KCP: variants seen among roughly 807,000 people sequenced by gnomAD.
KCP encodes the protein kielin cysteine rich BMP regulator, also known as kielin/chordin-like protein.
In KCP, 194 loss-of-function variants were observed where a neutral mutation model predicts 212.7. That is an observed-to-expected ratio of 0.91 (90% CI 0.81 to 1.03). The LOEUF (loss-of-function observed/expected upper bound fraction) is 1.03. KCP is among the 50% of genes least tolerant of loss of function. KCP has a pLI of 0.00. For missense variants in KCP, 2,080 were observed against 2,162.5 expected, an observed-to-expected ratio of 0.96 and a Z score of 0.76; for synonymous variants, 833 against 865.3, an observed-to-expected ratio of 0.96 and a Z score of 0.65.
chr7:128,903,948 C>A, intron 6 of KCP, 108 bp downstream of exon 6: 1 of 1,363,254 alleles, frequency 7.3e-7, no homozygotes, highest in South Asian at 1.3e-5. Flanking sequence ...GCTGGCTCCA[C>A]CTCTCGGGAG....
At chr7:128,877,382 G>A (rs1376046925) in intron 39 of KCP, 71 bp from the exon 40 acceptor site, 4 of 1,526,398 alleles carry the variant, frequency 2.6e-6, no homozygotes, top group South Asian at 2.5e-5. Context: ...GTACCCCTGC[G>A]AGACTCGCCA....
rs1793686131 is a variant in KCP at position 128,886,917 on chromosome 7, GGGCAGAGA to G, written c.2640_2647del (p.Leu881ProfsTer29). The G allele has an allele frequency of 6.5e-7, 1 of 1,533,162 alleles. No individual in the cohort carries two copies. Among genetic ancestry groups the G allele is most frequent in the Non-Finnish European group, 8.8e-7 (1 of 1,137,850 alleles). The allele number at this position is 1,533,162 out of a possible 1,614,324, so 95.0% of individuals were successfully genotyped here. A position where few individuals can be genotyped will look rare whatever the true frequency, so the allele number is the denominator to read the frequency against. On this transcript the variant is annotated frameshift_variant, in exon 24 of 40. Transcript: ENST00000610776. LOFTEE classifies it high-confidence loss of function. Reference sequence around the variant, plus strand: ...GAAGCAGGGGCCTGGAGAGGGGTGGGGGCAGAGAGCTGGGGGACATGGCTTCTTCTGGC... The same window carrying G: ...GAAGCAGGGGCCTGGAGAGGGGTGGGGCTGGGGGACATGGCTTCTTCTGGC...
intron 2 of KCP, 72 bp from the exon 3 acceptor site, chr7:128,907,525 T>C (rs1795188582): frequency 1.8e-6 from 2 of 1,086,158 alleles, no homozygotes; most frequent in East Asian, 5.9e-5. Context: ...ATGAGGGGTG[T>C]GAAAATGAGG....
At chr7:128,896,040 C>G (rs1327996477) in intron 8 of KCP, among the ~76,000 whole-genome samples, 1 of 152,144 alleles carries the variant, frequency 6.6e-6, no homozygotes, top group Admixed American at 6.5e-5. Flanking sequence ...GATCAGGACT[C>G]CTTTCCTGTA....
At chr7:128,885,370 A>G in intron 26 of KCP, 100 bp from the exon 27 acceptor site, 1 of 1,262,070 alleles carries the variant, frequency 7.9e-7, no homozygotes. Flanking sequence ...TGGCGCCAGG[A>G]GTGAGTTTGC....
chr7:128,882,072 T>A, intron 29 of KCP, 56 bp from the exon 30 acceptor site: 1 of 1,341,830 alleles, frequency 7.5e-7, no homozygotes, highest in Non-Finnish European at 1.0e-6. Flanking sequence ...GGGCTGGAAA[T>A]CCCAGCTGTC....
In KCP at chr7:128,878,610, C is replaced by T. The variant is rs374646805; in HGVS notation, c.4259G>A (p.Gly1420Asp). 2 of 1,551,428 alleles carry T rather than the reference C, an allele frequency of 1.3e-6. No individual in the cohort carries two copies. Among genetic ancestry groups the T allele is most frequent in the African/African-American group, 2.7e-5 (2 of 73,064 alleles). Residue 1420 changes from glycine to aspartate, a missense_variant, in exon 38 of 40, where the codon GGC (glycine) becomes GAC (aspartate). Physicochemically the swap from Gly to Asp is moderately conservative, Grantham distance 94. Coordinates refer to ENST00000610776, the MANE Select transcript of KCP (RefSeq NM_001366122.1). ...FNGFAQDDLQ[G>D]PEGLLLPSEA... ...CGAGGGCAGGAGCAGCCCCTCAGGG[C>T]CCTGCAGATCGTCCTGGGCAAAGCC...
chr7:128,900,500 A>G (rs1794785655), intron 8 of KCP, among the ~76,000 whole-genome samples: 1 of 152,240 alleles, frequency 6.6e-6, no homozygotes, highest in African/African-American at 2.4e-5. Context: ...CTTGGTTCCA[A>G]CAGTTGCCCA....
At chr7:128,878,354 G>A (rs984173383) in intron 38 of KCP, among the ~76,000 whole-genome samples, 7 of 152,026 alleles carry the variant, frequency 4.6e-5, no homozygotes, top group African/African-American at 2.4e-5. Flanking sequence ...CACCCTGCCC[G>A]GCCAATGAGG....
Position 128,886,452 on chromosome 7 carries a change from A to G in KCP, c.2866+12T>C. ...GGGCTGAAGCAAGGGGTAGGGCTACAGGCGGCCATACCTCTGCAGCGAGGG... is the reference window on the plus strand; with the variant it reads ...GGGCTGAAGCAAGGGGTAGGGCTACGGGCGGCCATACCTCTGCAGCGAGGG... On this transcript the variant is annotated intron_variant, in intron 26 of 39. Coordinates refer to ENST00000610776, the MANE Select transcript of KCP (RefSeq NM_001366122.1). 6.5e-7 allele frequency: 1 copy of G among 1,540,132 alleles called. No individual in the cohort carries two copies.
chr7:128,891,038 C>G lies in KCP; in HGVS notation c.2031G>C (p.Glu677Asp), dbSNP rs1794086060. The change falls in exon 20 of 40, where the codon GAG becomes GAC. Residue 677 changes from glutamate (E) to aspartate (D), a missense_variant. Physicochemically the swap from Glu to Asp is conservative, Grantham distance 45. Transcript: ENST00000610776. ...RPGAAHARHQ[E>D]YFSPPGDPCR... is the part of the protein sequence containing the mutation. ...AGGGATCGCCGGGCGGGGAGAAGTA[C>G]TCCTGGTGGCGGGCGTGGGCCGCGC... is the stretch of plus-strand genomic sequence containing the variant. 1 of 1,373,900 alleles carries G rather than the reference C, an allele frequency of 7.3e-7. No homozygotes were observed. Among genetic ancestry groups the G allele is most frequent in the South Asian group, 1.7e-5 (1 of 58,632 alleles). The allele number at this position is 1,373,900 out of a possible 1,614,324, so 85.1% of individuals were successfully genotyped here.
intron 5 of KCP, 167 bp from the exon 6 acceptor site, chr7:128,904,305 A>T (rs1295559138): frequency 1.3e-6 from 2 of 1,552,148 alleles, no homozygotes; most frequent in Admixed American, 3.9e-5. Flanking sequence ...ATGGGGCAGC[A>T]CTCCCCAGGT....
intron 16 of KCP, 89 bp downstream of exon 16, chr7:128,892,425 C>T: frequency 1.0e-6 from 1 of 965,470 alleles, no homozygotes; most frequent in Non-Finnish European, 1.5e-6. Context: ...AAGGCCATTG[C>T]TTTCTAAGGT....
chr7:128,893,885 C>G lies in KCP; in HGVS notation c.1020G>C (p.Gln340His). 6.4e-7 allele frequency: 1 copy of G among 1,551,264 alleles called. No individual in the cohort carries two copies. Among genetic ancestry groups the G allele is most frequent in the East Asian group, 2.4e-5 (1 of 40,910 alleles). Residue 340 changes from glutamine (Q) to histidine (H), a missense_variant, in exon 11 of 40, where the codon CAG becomes CAC. Coordinates refer to ENST00000610776, the MANE Select transcript of KCP (RefSeq NM_001366122.1). ...CTGGCGGGCAGGGCAGAGGCTCACACTGGACACTCCCATTCTGCCAACAGG... is the reference window on the plus strand; with the variant it reads ...CTGGCGGGCAGGGCAGAGGCTCACAGTGGACACTCCCATTCTGCCAACAGG... ...SHCRCANGSV[Q>H]CEPLPCPPVP...
In KCP at chr7:128,891,241, G is replaced by A; in HGVS notation, c.1916C>T (p.Pro639Leu). ...CAGGACAGGCTCTGGACAGGGCAGCGGCACGCAGCGGCGGGCCAGGCACTG... is the reference window on the plus strand; with the variant it reads ...CAGGACAGGCTCTGGACAGGGCAGCAGCACGCAGCGGCGGGCCAGGCACTG... ...NVQCLARRCVPLPCPEPVLLP... is the reference protein window; with the variant it reads ...NVQCLARRCVLLPCPEPVLLP... Residue 639 changes from proline (P) to leucine (L), a missense_variant, in exon 19 of 40, where the codon CCG (proline) becomes CTG (leucine). Pro to Leu is a moderately conservative substitution (Grantham distance 98). Coordinates refer to ENST00000610776, the MANE Select transcript of KCP (RefSeq NM_001366122.1). The A allele has an allele frequency of 1.9e-6, 3 of 1,547,034 alleles. No homozygotes were observed. Among genetic ancestry groups the A allele is most frequent in the Non-Finnish European group, 2.6e-6 (3 of 1,146,666 alleles).
Position 128,886,894 on chromosome 7 carries a change from A to G in KCP, c.2671T>C (p.Phe891Leu). The G allele has an allele frequency of 6.7e-7, 1 of 1,502,236 alleles. No homozygotes were observed. The highest frequency in any genetic ancestry group is 9.0e-7 in the Non-Finnish European group (1 of 1,109,152). The allele number at this position is 1,502,236 out of a possible 1,614,324, so 93.1% of individuals were successfully genotyped here. A position where few individuals can be genotyped will look rare whatever the true frequency, so the allele number is the denominator to read the frequency against. Residue 891 changes from phenylalanine (F) to leucine (L), a missense_variant, in exon 24 of 40, where the codon TTC (phenylalanine) becomes CTC (leucine). Transcript: ENST00000610776. ...LCPHPSPGPCFCPVCHSCLSQ... is the reference protein window; with the variant it reads ...LCPHPSPGPCLCPVCHSCLSQ... Reference sequence around the variant, plus strand: ...AGCTCACTGTGGCAAACAGGGCAGAAGCAGGGGCCTGGAGAGGGGTGGGGG... The same window carrying G: ...AGCTCACTGTGGCAAACAGGGCAGAGGCAGGGGCCTGGAGAGGGGTGGGGG...
chr7:128,877,563 G>GAGGC lies in KCP; in HGVS notation c.4535_4538dup (p.Cys1514ProfsTer3). On this transcript the variant is annotated frameshift_variant, in exon 39 of 40. Coordinates refer to ENST00000610776, the MANE Select transcript of KCP (RefSeq NM_001366122.1). LOFTEE classifies it high-confidence loss of function. The stretch of plus-strand genomic sequence containing the variant: ...TGGCGTAGGCTTCCAGGGCATCACA[G>GAGGC]AGGCAGGCATCAGCGGAGGAGCCAG... 3 of 1,551,586 alleles carry GAGGC rather than the reference G, an allele frequency of 1.9e-6. No homozygotes were observed. The South Asian group carries it at 3.6e-5, about 18-fold the overall frequency.
chr7:128,890,958 G>A lies in KCP; in HGVS notation c.2111C>T (p.Pro704Leu), dbSNP rs1794079532. ...GCGCGGGTGCGCGCAGGGCGCGGGC[G>A]GGCAGGGCAGCCGCTGGCAGGACAC... ...GSVSCQRLPC[P>L]PAPCAHPRQG... Residue 704 changes from proline (P) to leucine (L), a missense_variant, in exon 20 of 40, where the codon CCG becomes CTG. Pro to Leu is a moderately conservative substitution (Grantham distance 98). Transcript: ENST00000610776. 7 of 1,263,536 alleles carry A rather than the reference G, an allele frequency of 5.5e-6. No individual in the cohort carries two copies. Among genetic ancestry groups the A allele is most frequent in the Admixed American group, 4.2e-5 (1 of 23,558 alleles). 78.3% of individuals were successfully genotyped at this position (1,263,536 alleles called of 1,614,324 possible).
rs986221266 is a variant in KCP, at chr7:128,888,833, G to C, written c.2512+30C>G. On this transcript the variant is annotated intron_variant, in intron 22 of 39. Transcript: ENST00000610776. ...GAAAGGCACCCCGGGAGCCCCAGCA[G>C]GGGGAATGGAAGGGCAGGTGTGGCT... 7.8e-6 allele frequency: 12 copies of C among 1,540,332 alleles called. No individual in the cohort carries two copies. The African/African-American group carries it at 1.6e-4, about 21-fold the overall frequency.
Sources: gnomAD v4.1 joint callset for allele counts (sites outside exome capture counted in the v4.1 genomes callset) on GRCh38, gnomAD v4.1.1 for gene constraint, MANE v1.5 for transcripts, NCBI Gene and HGNC (gene_info 2026-07-23, HGNC 2026-07-21) for gene names.